Variants in EXOC6B observed in about 807,000 individuals in gnomAD.
The protein encoded by EXOC6B is exocyst complex component 6B.
In EXOC6B, 54 loss-of-function variants were observed where a neutral mutation model predicts 113.5. That is an observed-to-expected ratio of 0.48 (90% CI 0.38 to 0.60). The LOEUF (loss-of-function observed/expected upper bound fraction) is 0.60, where lower values mean the gene tolerates loss of function less well. EXOC6B is among the 20% of genes least tolerant of loss of function. The pLI, the probability that EXOC6B is intolerant of heterozygous loss-of-function variation, is 0.00. For missense variants in EXOC6B, 797 were observed against 977.5 expected (o/e 0.82, Z 2.46); for synonymous variants, 357 against 339.0 (o/e 1.05, Z -0.58).
At chr2:72,225,604 T>A (rs1042016678) in intron 20 of EXOC6B, among the ~76,000 whole-genome samples, 5 of 152,178 alleles carry the variant, frequency 3.3e-5, no homozygotes, top group African/African-American at 1.2e-4. Context: ...AAGACTTCTG[T>A]GTGAAGACAG....
At chr2:72,792,873 T>A (rs1365211366) in intron 1 of EXOC6B, among the ~76,000 whole-genome samples, 1 of 152,230 alleles carries the variant, frequency 6.6e-6, no homozygotes, top group East Asian at 1.9e-4. Flanking sequence ...TCACTATATA[T>A]GTATACATCT....
intron 18 of EXOC6B, among the ~76,000 whole-genome samples, chr2:72,455,480 C>G (rs1697171351): frequency 6.6e-6 from 1 of 152,004 alleles, no homozygotes; most frequent in Non-Finnish European, 1.5e-5. Context: ...AATGATGGCT[C>G]TATGAAACAT....
At chr2:72,720,558 G>A (rs780782892) in intron 5 of EXOC6B, among the ~76,000 whole-genome samples, 4 of 152,016 alleles carry the variant, frequency 2.6e-5, no homozygotes, top group Non-Finnish European at 5.9e-5. Context: ...GATCTGCCTG[G>A]GCAACAAGGC....
intron 19 of EXOC6B, among the ~76,000 whole-genome samples, chr2:72,350,218 G>A (rs1273549602): frequency 6.6e-6 from 1 of 152,086 alleles, no homozygotes; most frequent in Admixed American, 6.6e-5. Context: ...CATTATTAAA[G>A]ACCGTTTTTG....
At chr2:72,542,335 G>C (rs973914889) in intron 8 of EXOC6B, among the ~76,000 whole-genome samples, 40 of 152,024 alleles carry the variant, frequency 2.6e-4, no homozygotes, top group African/African-American at 8.9e-4. Flanking sequence ...GTCTTGAATA[G>C]GGACAGGCGA....
intron 18 of EXOC6B, among the ~76,000 whole-genome samples, chr2:72,456,889 T>C (rs1268446885): frequency 6.6e-6 from 1 of 152,072 alleles, no homozygotes. Flanking sequence ...CACATCTGGT[T>C]AGGAGAACTG....
At chr2:72,731,129 A>T in intron 4 of EXOC6B, 26 bp downstream of exon 4, 1 of 1,599,262 alleles carries the variant, frequency 6.3e-7, no homozygotes, top group Non-Finnish European at 8.5e-7. Flanking sequence ...TACACCAAGA[A>T]TCCTTCTCCA....
intron 1 of EXOC6B, among the ~76,000 whole-genome samples, chr2:72,793,372 G>C (rs544454129): frequency 6.6e-6 from 1 of 152,260 alleles, no homozygotes; most frequent in African/African-American, 2.4e-5. Flanking sequence ...TTAATATAGA[G>C]TAACTTTACA....
At chr2:72,673,422 T>A (rs1251576974) in intron 6 of EXOC6B, among the ~76,000 whole-genome samples, 2 of 152,174 alleles carry the variant, frequency 1.3e-5, no homozygotes, top group African/African-American at 4.8e-5. Flanking sequence ...ATCCCATTCC[T>A]CCGGTCTTGT....
intron 6 of EXOC6B, among the ~76,000 whole-genome samples, chr2:72,613,879 A>G (rs1197992484): frequency 6.6e-6 from 1 of 152,220 alleles, no homozygotes; most frequent in Admixed American, 6.5e-5. Flanking sequence ...TTAGTTTTTA[A>G]ATCCTTAAAT....
At chr2:72,298,386 CAT>C (rs1363195961) in intron 20 of EXOC6B, among the ~76,000 whole-genome samples, 2 of 152,074 alleles carry the variant, frequency 1.3e-5, no homozygotes, top group Non-Finnish European at 2.9e-5. Context: ...TGTCTTTGCA[CAT>C]GAGATGGATC....
At chr2:72,195,284 A>G (rs1405478645) in intron 20 of EXOC6B, among the ~76,000 whole-genome samples, 3 of 152,182 alleles carry the variant, frequency 2.0e-5, no homozygotes, top group Non-Finnish European at 4.4e-5. Context: ...GCCATTTCTC[A>G]CTGATGACAG....
chr2:72,576,974 T>C (rs1325011250), intron 6 of EXOC6B, among the ~76,000 whole-genome samples: 3 of 151,990 alleles, frequency 2.0e-5, no homozygotes, highest in Non-Finnish European at 4.4e-5. Flanking sequence ...ATAAGGTTAA[T>C]GAAATGAAGA....
chr2:72,675,272 C>A (rs574011346), intron 6 of EXOC6B, among the ~76,000 whole-genome samples: 1 of 152,296 alleles, frequency 6.6e-6, no homozygotes, highest in Admixed American at 6.5e-5. Flanking sequence ...AAAAGCTGAA[C>A]GAGATCTCTC....
intron 20 of EXOC6B, among the ~76,000 whole-genome samples, chr2:72,250,758 TA>T (rs529424760): frequency 8.7e-5 from 13 of 148,876 alleles, no homozygotes; most frequent in South Asian, 2.1e-4. Context: ...TCATCACTTG[TA>T]AAAAAAAAAC....
intron 6 of EXOC6B, among the ~76,000 whole-genome samples, chr2:72,611,355 C>CAA (rs1168624533): frequency 3.4e-5 from 4 of 117,502 alleles, no homozygotes; most frequent in African/African-American, 9.4e-5. Context: ...AAGACTGTCT[C>CAA]AAAAAAAAAA....
intron 6 of EXOC6B, among the ~76,000 whole-genome samples, chr2:72,716,575 T>A (rs1679634330): frequency 6.6e-6 from 1 of 152,210 alleles, no homozygotes; most frequent in South Asian, 2.1e-4. Flanking sequence ...ATCATTTCTT[T>A]ATATGACAAA....
At chr2:72,636,167 G>A (rs72846916) in intron 6 of EXOC6B, among the ~76,000 whole-genome samples, 7,512 of 151,980 alleles carry the variant, frequency 0.049, 285 homozygotes, top group Middle Eastern at 0.12. Context: ...AGGCTGTAAT[G>A]AGCTATCATC....
chr2:72,744,979 A>T (rs1478189515), intron 1 of EXOC6B, among the ~76,000 whole-genome samples: 1 of 152,158 alleles, frequency 6.6e-6, no homozygotes, highest in Non-Finnish European at 1.5e-5. Flanking sequence ...TCTTTGGCCA[A>T]TCCAGTTAAT....
Sources: gnomAD v4.1 joint callset for allele counts (sites outside exome capture counted in the v4.1 genomes callset) on GRCh38, gnomAD v4.1.1 for gene constraint, MANE v1.5 for transcripts, NCBI Gene and HGNC (gene_info 2026-07-23, HGNC 2026-07-21) for gene names.